The following NUDT13 variants were observed in gnomAD, a reference collection of about 807,000 sequenced individuals.
The protein encoded by NUDT13 is nudix hydrolase 13.
In NUDT13, 40 loss-of-function variants were observed where a neutral mutation model predicts 41.7. That is an observed-to-expected ratio of 0.96 (90% CI 0.75 to 1.25). The LOEUF is 1.25. Ranked by LOEUF, NUDT13 falls within the 50% of genes most tolerant of loss-of-function variation. The pLI is 0.00. For missense variants in NUDT13, 390 were observed against 416.1 expected, an observed-to-expected ratio of 0.94 and a Z score of 0.55; for synonymous variants, 145 against 155.5, an observed-to-expected ratio of 0.93 and a Z score of 0.50.
intron 7 of NUDT13, among the ~76,000 whole-genome samples, chr10:73,126,385 T>C (rs1191721412): frequency 6.6e-6 from 1 of 152,172 alleles, no homozygotes; most frequent in Non-Finnish European, 1.5e-5. Context: ...TTCTCTAGTC[T>C]ATTGGGGTCA....
At chr10:73,126,487 G>A in intron 7 of NUDT13, 186 bp from the exon 8 acceptor site, 1 of 527,580 alleles carries the variant, frequency 1.9e-6, no homozygotes, top group Non-Finnish European at 3.3e-6. Context: ...GCAGACTTAA[G>A]CACTGTGGTT....
chr10:73,119,199 C>T (rs1842582998), intron 2 of NUDT13, among the ~76,000 whole-genome samples: 1 of 151,836 alleles, frequency 6.6e-6, no homozygotes, highest in African/African-American at 2.4e-5. Context: ...GTGCGTGCCA[C>T]CATGCCCAGC....
rs149713569 is a variant in NUDT13, at chr10:73,126,717, G to A, written c.748G>A (p.Val250Met). ...ETIRREVAEE[V>M]GLEVESLQYY... Reference sequence around the variant, plus strand: ...CATCCGCCGAGAAGTTGCAGAAGAGGTGGGATTGGAGGTGGAAAGCCTGCA... The same window carrying A: ...CATCCGCCGAGAAGTTGCAGAAGAGATGGGATTGGAGGTGGAAAGCCTGCA... The change falls in exon 8 of 9, where the codon GTG (valine) becomes ATG (methionine). Residue 250 changes from valine to methionine, a missense_variant. Val to Met is a conservative substitution (Grantham distance 21). Coordinates refer to ENST00000357321, the MANE Select transcript of NUDT13 (RefSeq NM_015901.6). The A allele has an allele frequency of 2.5e-6, 4 of 1,614,076 alleles. No individual in the cohort carries two copies. The highest frequency in any genetic ancestry group is 2.7e-5 in the African/African-American group (2 of 74,938).
rs1043594158 is a variant in NUDT13 at position 73,129,541 on chromosome 10, A to G, written c.859-1162A>G. ...CACTGACTGATGGTCTCTGCCTGCC[A>G]AAGTTTGCCTATTGTATGTTTTGGT... On this transcript the variant is annotated intron_variant, in intron 8 of 8. Transcript: ENST00000357321. Among the ~76,000 whole-genome samples, 3 of 152,074 alleles carry G rather than the reference A, an allele frequency of 2.0e-5. No individual in the cohort carries two copies. In the East Asian group the frequency reaches 5.8e-4, roughly 29 times the overall value.
chr10:73,116,876 A>ATTTTTTTTTTTTTTTT (rs56229464), intron 2 of NUDT13, among the ~76,000 whole-genome samples: 5 of 81,868 alleles, frequency 6.1e-5, no homozygotes, highest in African/African-American at 2.0e-4. Flanking sequence ...GACTACAAGA[A>ATTTTTTTTTTTTTTTT]TTTTTTTTTT....
At chr10:73,122,126 T>C (rs769336650) in intron 3 of NUDT13, 49 bp from the exon 4 acceptor site, 1 of 1,587,874 alleles carries the variant, frequency 6.3e-7, no homozygotes, top group Admixed American at 1.8e-5. Context: ...AGTGATTTAA[T>C]AGAAACCCTT....
intron 1 of NUDT13, among the ~76,000 whole-genome samples, chr10:73,112,896 CTTT>C (rs111862060): frequency 6.6e-6 from 1 of 150,652 alleles, no homozygotes; most frequent in Non-Finnish European, 1.5e-5. Context: ...TGTTCTTTTT[CTTT>C]TTTTTAAGAC....
Position 73,114,377 on chromosome 10 carries a change from T to C in NUDT13, c.12T>C (p.Tyr4=), listed in dbSNP as rs1370291025. ...TTAAGGACCTGACAATGTCCCTGTA[T>C]TGTGGAATAGCTTGCAGGAGAAAAT... MSL[Y]CGIACRRKFF... The change falls in exon 2 of 9, where the codon TAT becomes TAC. Residue 4 remains tyrosine (Y), a synonymous_variant. Transcript: ENST00000357321. 1.9e-6 allele frequency: 3 copies of C among 1,577,004 alleles called. No individual in the cohort carries two copies. Among genetic ancestry groups the C allele is most frequent in the Non-Finnish European group, 1.7e-6 (2 of 1,154,094 alleles).
intron 3 of NUDT13, among the ~76,000 whole-genome samples, chr10:73,121,899 G>A (rs1018391409): frequency 7.9e-5 from 12 of 152,042 alleles, no homozygotes; most frequent in Admixed American, 3.3e-4. Context: ...TTACTAACTA[G>A]GGGATATTTT....
Position 73,124,218 on chromosome 10 carries a change from C to T in NUDT13, c.363C>T (p.Ser121=), listed in dbSNP as rs1842718491. 6.2e-7 allele frequency: 1 copy of T among 1,608,968 alleles called. No homozygotes were observed. Among genetic ancestry groups the T allele is most frequent in the East Asian group, 2.2e-5 (1 of 44,872 alleles). The part of the protein sequence containing the change: ...GLDSSFSISA[S]LHKPEMETEL... The stretch of plus-strand genomic sequence containing the variant: ...TTATCTTTTCTAATTTTCTAGCCTC[C>T]TTACACAAACCTGAAATGGAGACAG... The change falls in exon 5 of 9, where the codon TCC becomes TCT. Residue 121 remains serine, a synonymous_variant. Coordinates refer to ENST00000357321, the MANE Select transcript of NUDT13 (RefSeq NM_015901.6).
intron 8 of NUDT13, among the ~76,000 whole-genome samples, chr10:73,128,283 T>C (rs112985420): frequency 9.8e-5 from 15 of 152,334 alleles, no homozygotes; most frequent in African/African-American, 3.6e-4. Flanking sequence ...TTTTTAATTT[T>C]TTGAGGAACC....
chr10:73,124,594 A>G (rs1369655825), intron 5 of NUDT13: 7 of 388,576 alleles, frequency 1.8e-5, no homozygotes, highest in Non-Finnish European at 2.8e-5. Context: ...AACATTTTTA[A>G]TGACCCACAT....
rs1314694966 is a variant in NUDT13 at position 73,122,282 on chromosome 10, G to A, written c.331G>A (p.Gly111Ser). Reference protein sequence around the residue: ...QQEAWFALDLGLDSSFSISAS... With the variant: ...QQEAWFALDLSLDSSFSISAS... Reference sequence around the variant, plus strand: ...GGAAGCATGGTTTGCTCTGGATCTAGGTCTGGATAGCTCCTTTTCCATAAG... The same window carrying A: ...GGAAGCATGGTTTGCTCTGGATCTAAGTCTGGATAGCTCCTTTTCCATAAG... The change falls in exon 4 of 9, where the codon GGT (glycine) becomes AGT (serine). Residue 111 changes from glycine to serine, a missense_variant. Physicochemically the swap from Gly to Ser is moderately conservative, Grantham distance 56. Coordinates refer to ENST00000357321, the MANE Select transcript of NUDT13 (RefSeq NM_015901.6). The A allele has an allele frequency of 6.2e-7, 1 of 1,614,012 alleles. No individual in the cohort carries two copies.
chr10:73,114,269 C>A, intron 1 of NUDT13, 88 bp from the exon 2 acceptor site: 1 of 514,418 alleles, frequency 1.9e-6, no homozygotes, highest in Non-Finnish European at 3.3e-6. Flanking sequence ...TGATCCCATT[C>A]TGGCTTAAAG....
Position 73,129,979 on chromosome 10 carries a change from C to CA in NUDT13, c.859-711dup, listed in dbSNP as rs5786101. On this transcript the variant is annotated intron_variant, in intron 8 of 8. Coordinates refer to ENST00000357321, the MANE Select transcript of NUDT13 (RefSeq NM_015901.6). ...GGGTAAAAAGAGCAAAACTCCATCTCAAAAAAAAAAAAAGTAATATTTGTA... is the reference window on the plus strand; with the variant it reads ...GGGTAAAAAGAGCAAAACTCCATCTCAAAAAAAAAAAAAAGTAATATTTGTA... Among the ~76,000 whole-genome samples the CA allele has an allele frequency of 2.6e-3, 313 of 119,208 alleles. 3 individuals carry two copies. In the Middle Eastern group the frequency reaches 0.029, roughly 11 times the overall value. The allele number at this position is 119,208 out of a possible 152,430, so 78.2% of individuals were successfully genotyped here.
At chr10:73,120,452 G>A (rs920000952) in intron 3 of NUDT13, among the ~76,000 whole-genome samples, 122 of 152,102 alleles carry the variant, frequency 8.0e-4, no homozygotes, top group African/African-American at 2.8e-3. Flanking sequence ...AATTTTTATT[G>A]GAACATAGAC....
intron 2 of NUDT13, among the ~76,000 whole-genome samples, chr10:73,117,303 T>C (rs1299522967): frequency 6.6e-6 from 1 of 151,936 alleles, no homozygotes; most frequent in Non-Finnish European, 1.5e-5. Context: ...ACACCTGTAA[T>C]CCCAGCACTT....
chr10:73,122,462 T>C (rs903748512), intron 4 of NUDT13, among the ~76,000 whole-genome samples, 153 bp downstream of exon 4: 6 of 152,218 alleles, frequency 3.9e-5, no homozygotes, highest in African/African-American at 1.4e-4. Context: ...TCATCTGCTA[T>C]CATCATCATT....
At position 73,130,939 on chromosome 10, in the gene NUDT13, C is replaced by T; in HGVS notation, c.*36C>T. 1 of 1,545,256 alleles carries T rather than the reference C, an allele frequency of 6.5e-7. No individual in the cohort carries two copies. The highest frequency in any genetic ancestry group is 8.9e-7 in the Non-Finnish European group (1 of 1,119,834). ...GTCACTTAGATCGCTCCTTGGTATTCCTGAGGGACAAACTAGAGATCAGTT... is the reference window on the plus strand; with the variant it reads ...GTCACTTAGATCGCTCCTTGGTATTTCTGAGGGACAAACTAGAGATCAGTT... On this transcript the variant is annotated 3_prime_UTR_variant, in exon 9 of 9. Coordinates refer to ENST00000357321, the MANE Select transcript of NUDT13 (RefSeq NM_015901.6).
Sources: allele counts gnomAD v4.1 joint callset (sites outside exome capture counted in the v4.1 genomes callset), GRCh38; gene constraint gnomAD v4.1.1; transcripts MANE v1.5; gene names NCBI Gene and HGNC (gene_info 2026-07-23, HGNC 2026-07-21).